Variants in UAP1L1 observed in about 807,000 individuals in gnomAD.
UAP1L1 encodes UDP-N-acetylglucosamine pyrophosphorylase 1 like 1.
In UAP1L1, 45 loss-of-function variants were observed where a neutral mutation model predicts 45.3. The ratio of observed to expected loss-of-function variants is 0.99; its 90% CI spans 0.78 to 1.27. The LOEUF (loss-of-function observed/expected upper bound fraction) is 1.27. UAP1L1 is among the 50% of genes most tolerant of loss of function. The probability of loss-of-function intolerance (pLI) is 0.00; values close to 1 mark genes in which losing one functional copy is unlikely to be tolerated. For missense variants in UAP1L1, 667 were observed against 694.0 expected (o/e 0.96, Z 0.44); for synonymous variants, 323 against 303.9 (o/e 1.06, Z -0.65).
rs1251326836 is a variant in UAP1L1 at position 137,078,049 on chromosome 9, G to T, written c.290-1G>T. ...TCCCTTCACGGCGCCCGTACCCCCA[G>T]GTTTCCGTCAGATTTCTCTGAACAA... On this transcript the variant is annotated splice_acceptor_variant, in intron 1 of 8. Coordinates refer to ENST00000409858, the MANE Select transcript of UAP1L1 (RefSeq NM_207309.3). LOFTEE classifies it high-confidence loss of function. The T allele has an allele frequency of 1.9e-6, 3 of 1,548,594 alleles. No homozygotes were observed. Among genetic ancestry groups the T allele is most frequent in the Non-Finnish European group, 2.6e-6 (3 of 1,146,878 alleles).
rs1361528784 is a variant in UAP1L1 at position 137,082,689 on chromosome 9, A to T, written c.1484A>T (p.Asp495Val). The T allele has an allele frequency of 1.3e-6, 2 of 1,551,898 alleles. No individual in the cohort carries two copies. Among genetic ancestry groups the T allele is most frequent in the South Asian group, 2.4e-5 (2 of 84,082 alleles). Residue 495 changes from aspartate to valine, a missense_variant, in exon 9 of 9, where the codon GAT becomes GTT. Asp to Val is a radical substitution (Grantham distance 152, BLOSUM62 -3). Coordinates refer to ENST00000409858, the MANE Select transcript of UAP1L1 (RefSeq NM_207309.3). This position sits in a 1 kb window ranked among gnomAD's most constrained non-coding sequence, Gnocchi z 5.7. ...GREFQSPLIL[D>V]EDQAREPQLQ... ...GAGTTCCAGTCCCCGCTCATCCTGG[A>T]TGAAGACCAGGCCAGGGAGCCGCAG... is the stretch of plus-strand genomic sequence containing the variant.
chr9:137,081,083 T>C (rs1832781713), intron 7 of UAP1L1, among the ~76,000 whole-genome samples: 1 of 152,220 alleles, frequency 6.6e-6, no homozygotes, highest in African/African-American at 2.4e-5. Context: ...ACCCTTCAAG[T>C]TGTGCTCAGT....
chr9:137,080,749 G>A lies in UAP1L1; in HGVS notation c.1239G>A (p.Glu413=). 6.2e-7 allele frequency: 1 copy of A among 1,612,872 alleles called. No individual in the cohort carries two copies. The highest frequency in any genetic ancestry group is 2.2e-5 in the East Asian group (1 of 44,884). The change falls in exon 7 of 9, where the codon GAG becomes GAA. Residue 413 remains glutamate, a synonymous_variant. Transcript: ENST00000409858. ...EEEFSPLKNA[E]PADRDSPRTA... is the part of the protein sequence containing the mutation. ...AATTTTCCCCACTGAAGAACGCAGAGCCAGCCGACAGGGACAGTCCCCGCA... is the reference window on the plus strand; with the variant it reads ...AATTTTCCCCACTGAAGAACGCAGAACCAGCCGACAGGGACAGTCCCCGCA...
chr9:137,080,910 G>C, intron 7 of UAP1L1, 36 bp downstream of exon 7: 1 of 1,514,890 alleles, frequency 6.6e-7, no homozygotes, highest in Non-Finnish European at 8.8e-7. Flanking sequence ...AGCCAGAAGG[G>C]GAGGGCTGTC....
Position 137,078,072 on chromosome 9 carries a change from C to G in UAP1L1, c.312C>G (p.Asn104Lys). 1 of 1,549,932 alleles carries G rather than the reference C, an allele frequency of 6.5e-7. No homozygotes were observed. The highest frequency in any genetic ancestry group is 1.2e-5 in the South Asian group (1 of 84,066). The stretch of plus-strand genomic sequence containing the variant: ...CAGGTTTCCGTCAGATTTCTCTGAA[C>G]AAGGTGGCCGTCCTGCTGCTGGCTG... ...EEEGFRQISL[N>K]KVAVLLLAGG... Residue 104 changes from asparagine to lysine, a missense_variant, in exon 2 of 9, where the codon AAC (asparagine) becomes AAG (lysine). Physicochemically the swap from Asn to Lys is moderately conservative, Grantham distance 94. Transcript: ENST00000409858.
rs1424267811 is a variant in UAP1L1, at chr9:137,079,424, C to G, written c.1012C>G (p.Arg338Gly). 6.3e-7 allele frequency: 1 copy of G among 1,596,576 alleles called. No individual in the cohort carries two copies. Among genetic ancestry groups the G allele is most frequent in the African/African-American group, 1.3e-5 (1 of 74,564 alleles). ...AGNICNHFFT[R>G]GFLKAVTREF... ...CAACATCTGCAACCACTTCTTCACC[C>G]GAGGCTTCCTTAAGGCGGTCACCAG... Residue 338 changes from arginine to glycine, a missense_variant, in exon 5 of 9, where the codon CGA (arginine) becomes GGA (glycine). Physicochemically the swap from Arg to Gly is moderately radical, Grantham distance 125. Coordinates refer to ENST00000409858, the MANE Select transcript of UAP1L1 (RefSeq NM_207309.3).
chr9:137,079,354 C>A lies in UAP1L1; in HGVS notation c.942C>A (p.Thr314=), dbSNP rs201901171. 196 of 1,613,096 alleles carry A rather than the reference C, an allele frequency of 1.2e-4. No homozygotes were observed. The highest frequency in any genetic ancestry group is 1.6e-4 in the Non-Finnish European group (185 of 1,179,830). The change falls in exon 5 of 9, where the codon ACC becomes ACA. Residue 314 remains threonine, a synonymous_variant. Transcript: ENST00000409858. The part of the protein sequence containing the change: ...VVEYSEISPE[T]AQLRASDGSL... The stretch of plus-strand genomic sequence containing the variant: ...AGTACAGCGAGATCAGTCCTGAGAC[C>A]GCACAGCTACGTGCCTCCGACGGGA...
chr9:137,078,153 G>T lies in UAP1L1; in HGVS notation c.393G>T (p.Gly131=), dbSNP rs1463151279. 1 of 1,550,072 alleles carries T rather than the reference G, an allele frequency of 6.5e-7. No individual in the cohort carries two copies. The highest frequency in any genetic ancestry group is 8.7e-7 in the Non-Finnish European group (1 of 1,146,850). ...VTYPKGMYRV[G]LPSRKTLYQL... ...ACCCCAAGGGTATGTACCGTGTGGGGCTGCCCAGCCGGAAGACCCTGTACC... is the reference window on the plus strand; with the variant it reads ...ACCCCAAGGGTATGTACCGTGTGGGTCTGCCCAGCCGGAAGACCCTGTACC... Residue 131 remains glycine (G), a synonymous_variant, in exon 2 of 9, where the codon GGG becomes GGT. Coordinates refer to ENST00000409858, the MANE Select transcript of UAP1L1 (RefSeq NM_207309.3).
At chr9:137,081,014 G>C (rs1832780659) in intron 7 of UAP1L1, 140 bp downstream of exon 7, 1 of 874,466 alleles carries the variant, frequency 1.1e-6, no homozygotes, top group Non-Finnish European at 1.7e-6. Context: ...GGTGCAGGTA[G>C]CCTTGTGCCC....
Position 137,077,990 on chromosome 9 carries a change from C to T in UAP1L1, c.290-60C>T. On this transcript the variant is annotated intron_variant, in intron 1 of 8. Coordinates refer to ENST00000409858, the MANE Select transcript of UAP1L1 (RefSeq NM_207309.3). The surrounding 1 kb of genome is among the most constrained non-coding windows in gnomAD (Gnocchi z 4.7). ...GGCGCCCCAGCCCCAGAGTTGGTTT[C>T]CCCTAAAGCGGAAGGGTGGGCGGGT... 2.0e-6 allele frequency: 3 copies of T among 1,537,552 alleles called. No individual in the cohort carries two copies. In the South Asian group the frequency reaches 3.6e-5, roughly 18 times the overall value.
At position 137,077,589 on chromosome 9, in the gene UAP1L1, C is replaced by T; in HGVS notation, c.57C>T (p.Leu19=). 7.2e-7 allele frequency: 1 copy of T among 1,390,784 alleles called. No homozygotes were observed. The allele number at this position is 1,390,784 out of a possible 1,614,324, so 86.2% of individuals were successfully genotyped here. The change falls in exon 1 of 9, where the codon CTC becomes CTT. Residue 19 remains leucine, a synonymous_variant. Coordinates refer to ENST00000409858, the MANE Select transcript of UAP1L1 (RefSeq NM_207309.3). The surrounding 1 kb of genome is among the most constrained non-coding windows in gnomAD (Gnocchi z 4.7). ...TGCAGCGCGCTGGCCAGGAGCACCT[C>T]CTGCGCTTCTGGGCCGAGCTGGCGC... ...ARLQRAGQEH[L]LRFWAELAPE...
rs1832816917 is a variant in UAP1L1 at position 137,083,042 on chromosome 9, G to A, written c.*313G>A. On this transcript the variant is annotated 3_prime_UTR_variant, in exon 9 of 9. Coordinates refer to ENST00000409858, the MANE Select transcript of UAP1L1 (RefSeq NM_207309.3). ...CAAGAGGCAGAGGGACTTGGGACCT[G>A]GGAGAATGGGGCTGAGAGGAGGCTT... The A allele has an allele frequency of 2.8e-6, 1 of 351,350 alleles. No individual in the cohort carries two copies. The highest frequency in any genetic ancestry group is 3.7e-5 in the Admixed American group (1 of 27,066). The allele number at this position is 351,350 out of a possible 1,614,324, so 21.8% of individuals were successfully genotyped here. A position where few individuals can be genotyped will look rare whatever the true frequency, so the allele number is the denominator to read the frequency against.
chr9:137,082,489 T>C lies in UAP1L1; in HGVS notation c.1432-148T>C, dbSNP rs938970120. ...TGGCCTTGCAGTGTGTGTCTGCTCC[T>C]GGCCCTGGAAGCCTTTCTGTCCCCA... On this transcript the variant is annotated intron_variant, in intron 8 of 8. Transcript: ENST00000409858. The surrounding 1 kb of genome is among the most constrained non-coding windows in gnomAD (Gnocchi z 5.7). 1.4e-5 allele frequency: 9 copies of C among 658,296 alleles called. No homozygotes were observed. Among genetic ancestry groups the C allele is most frequent in the African/African-American group, 1.1e-4 (6 of 55,144 alleles). 40.8% of individuals were successfully genotyped at this position (658,296 alleles called of 1,614,324 possible).
At position 137,083,458 on chromosome 9, in the gene UAP1L1, C is replaced by T. The variant is rs1465051782; in HGVS notation, c.*729C>T. On this transcript the variant is annotated 3_prime_UTR_variant, in exon 9 of 9. Transcript: ENST00000409858. ...CCATCTATCCCCAAGGCCTCTGCCT[C>T]TCAGCCTCTTCCATGGTCGGTTTAG... The T allele has an allele frequency of 1.3e-5, 2 of 152,460 alleles. No homozygotes were observed. Among genetic ancestry groups the T allele is most frequent in the East Asian group, 3.8e-4 (2 of 5,204 alleles). The allele number at this position is 152,460 out of a possible 1,614,324, so 9.4% of individuals were successfully genotyped here.
In UAP1L1 at chr9:137,082,678, G is replaced by T. The variant is rs149216698; in HGVS notation, c.1473G>T (p.Pro491=). Residue 491 remains proline, a synonymous_variant, in exon 9 of 9, where the codon CCG becomes CCT. Coordinates refer to ENST00000409858, the MANE Select transcript of UAP1L1 (RefSeq NM_207309.3). The surrounding 1 kb of genome is among the most constrained non-coding windows in gnomAD (Gnocchi z 5.7). The part of the protein sequence containing the change: ...VYLQGREFQS[P]LILDEDQARE... ...TGCAAGGCCGGGAGTTCCAGTCCCC[G>T]CTCATCCTGGATGAAGACCAGGCCA... 1.5e-4 allele frequency: 237 copies of T among 1,551,948 alleles called. 1 individual carries two copies. Among genetic ancestry groups the T allele is most frequent in the African/African-American group, 2.7e-5 (2 of 73,008 alleles).
intron 3 of UAP1L1, 39 bp from the exon 4 acceptor site, chr9:137,078,936 CG>C: frequency 6.4e-7 from 1 of 1,550,484 alleles, no homozygotes; most frequent in South Asian, 1.2e-5. Context: ...CGATCCCTGG[CG>C]GGAGCCCTCG....
chr9:137,080,917 T>C, intron 7 of UAP1L1, 43 bp downstream of exon 7: 1 of 1,493,622 alleles, frequency 6.7e-7, no homozygotes, highest in Non-Finnish European at 8.9e-7. Context: ...AGGGGAGGGC[T>C]GTCAGGACCC....
rs1588570290 is a variant in UAP1L1, at chr9:137,077,805, G to A, written c.273G>A (p.Arg91=). The A allele has an allele frequency of 1.4e-6, 2 of 1,398,162 alleles. No homozygotes were observed. Among genetic ancestry groups the A allele is most frequent in the South Asian group, 3.1e-5 (2 of 65,388 alleles). 86.6% of individuals were successfully genotyped at this position (1,398,162 alleles called of 1,614,324 possible). A position where few individuals can be genotyped will look rare whatever the true frequency, so the allele number is the denominator to read the frequency against. Residue 91 remains arginine, a synonymous_variant, in exon 1 of 9, where the codon CGG becomes CGA. Transcript: ENST00000409858. The surrounding 1 kb of genome is among the most constrained non-coding windows in gnomAD (Gnocchi z 4.7). ...GCCGCAGCGACCCCGAGACACGGCG[G>A]CGCTGGGAGGAGGAAGGTAAGCGGG... ...RASRSDPETR[R]RWEEEGFRQI...
In UAP1L1 at chr9:137,077,815, G is replaced by A; in HGVS notation, c.283G>A (p.Glu95Lys). Residue 95 changes from glutamate (E) to lysine (K), a missense_variant, in exon 1 of 9, where the codon GAG becomes AAG. Physicochemically the swap from Glu to Lys is moderately conservative, Grantham distance 56. Coordinates refer to ENST00000409858, the MANE Select transcript of UAP1L1 (RefSeq NM_207309.3). This position sits in a 1 kb window ranked among gnomAD's most constrained non-coding sequence, Gnocchi z 4.7. ...CCCCGAGACACGGCGGCGCTGGGAGGAGGAAGGTAAGCGGGGTGGGAGGCC... is the reference window on the plus strand; with the variant it reads ...CCCCGAGACACGGCGGCGCTGGGAGAAGGAAGGTAAGCGGGGTGGGAGGCC... ...SDPETRRRWE[E>K]EGFRQISLNK... The A allele has an allele frequency of 7.1e-7, 1 of 1,402,544 alleles. No individual in the cohort carries two copies. The highest frequency in any genetic ancestry group is 2.8e-5 in the East Asian group (1 of 35,276). The allele number at this position is 1,402,544 out of a possible 1,614,324, so 86.9% of individuals were successfully genotyped here.
Sources: gnomAD v4.1 joint callset for allele counts (sites outside exome capture counted in the v4.1 genomes callset) on GRCh38, gnomAD v4.1.1 for gene constraint, Gnocchi (gnomAD v3.1) non-coding constraint, MANE v1.5 for transcripts, NCBI Gene and HGNC (gene_info 2026-07-23, HGNC 2026-07-21) for gene names.